TANC2: variants seen among roughly 807,000 people sequenced by gnomAD.
TANC2 encodes the protein tetratricopeptide repeat, ankyrin repeat and coiled-coil containing 2.
A neutral mutation model predicts 210.5 loss-of-function variants in TANC2; 26 were observed. That is an observed-to-expected ratio of 0.12 (90% CI 0.09 to 0.17). The LOEUF is 0.17. Ranked by LOEUF, TANC2 falls within the 10% of genes least tolerant of loss-of-function variation. The pLI is 1.00. For synonymous variants in TANC2, 931 were observed against 967.1 expected (o/e 0.96, Z 0.69); for missense variants, 2,129 against 2,608.9 (o/e 0.82, Z 4.01).
intron 1 of TANC2, among the ~76,000 whole-genome samples, chr17:62,983,314 G>T (rs548506542): frequency 4.8e-4 from 73 of 151,890 alleles, no homozygotes; most frequent in African/African-American, 1.7e-3. Context: ...TATTGAATTC[G>T]TTGATCAATT....
At chr17:63,245,829 C>CG (rs1171180189) in intron 8 of TANC2, among the ~76,000 whole-genome samples, 3 of 133,916 alleles carry the variant, frequency 2.2e-5, no homozygotes, top group African/African-American at 8.6e-5. Context: ...GGCAACAAGG[C>CG]GGGACTCCTT....
At chr17:63,337,807 T>C (rs2046086532) in intron 11 of TANC2, among the ~76,000 whole-genome samples, 1 of 152,142 alleles carries the variant, frequency 6.6e-6, no homozygotes, top group African/African-American at 2.4e-5. Flanking sequence ...AGTTGTTGTT[T>C]CCCTCTACAT....
At chr17:63,148,977 T>G (rs1237601909) in intron 4 of TANC2, 1 of 152,130 alleles carries the variant, frequency 6.6e-6, no homozygotes, top group African/African-American at 2.4e-5. Flanking sequence ...TCATCTACCT[T>G]ATAAAACAGT....
rs762562307 is a variant in TANC2 at position 63,406,256 on chromosome 17, G to A, written c.3568G>A (p.Val1190Met). Residue 1190 changes from valine (V) to methionine (M), a missense_variant, in exon 21 of 28, where the codon GTG (valine) becomes ATG (methionine). Transcript: ENST00000689528. ...TGCTTCCGAAGGCCATCTAGGAACCGTGGACTTTCTGCTTGCACAAGGTTA... is the reference window on the plus strand; with the variant it reads ...TGCTTCCGAAGGCCATCTAGGAACCATGGACTTTCTGCTTGCACAAGGTTA... 2.5e-6 allele frequency: 4 copies of A among 1,613,766 alleles called. No individual in the cohort carries two copies. In the South Asian group the frequency reaches 4.4e-5, roughly 18 times the overall value.
chr17:63,206,880 G>T (rs139166432), intron 7 of TANC2, among the ~76,000 whole-genome samples: 2 of 152,070 alleles, frequency 1.3e-5, no homozygotes. Flanking sequence ...ATTTTATGTC[G>T]TGTATATTTT....
chr17:63,275,860 A>T (rs918459517), intron 9 of TANC2, among the ~76,000 whole-genome samples: 1 of 152,184 alleles, frequency 6.6e-6, no homozygotes, highest in African/African-American at 2.4e-5. Context: ...TCATCATGAC[A>T]TCTAACTCTG....
chr17:62,976,626 C>T (rs755240893), intron 1 of TANC2, among the ~76,000 whole-genome samples: 20 of 152,040 alleles, frequency 1.3e-4, no homozygotes, highest in Non-Finnish European at 1.9e-4. Context: ...CTTTCCTCCC[C>T]GTCTAATTAG....
At chr17:63,270,051 C>T (rs1226861290) in intron 9 of TANC2, among the ~76,000 whole-genome samples, 1 of 152,026 alleles carries the variant, frequency 6.6e-6, no homozygotes, top group African/African-American at 2.4e-5. Flanking sequence ...CAAGAGCTTT[C>T]CTTTTAGCAG....
intron 4 of TANC2, among the ~76,000 whole-genome samples, chr17:63,114,176 T>G (rs1365024364): frequency 6.6e-6 from 1 of 152,156 alleles, no homozygotes; most frequent in Non-Finnish European, 1.5e-5. Flanking sequence ...CAATTATCAT[T>G]TAGAGGTAGC....
At chr17:63,049,699 A>G (rs559977777) in intron 2 of TANC2, among the ~76,000 whole-genome samples, 2 of 152,318 alleles carry the variant, frequency 1.3e-5, no homozygotes, top group Non-Finnish European at 2.9e-5. Flanking sequence ...GAAGAGTTTA[A>G]TGATCTATTT....
intron 1 of TANC2, among the ~76,000 whole-genome samples, chr17:62,973,086 TGGC>T (rs1306651707): frequency 6.6e-6 from 1 of 151,846 alleles, no homozygotes; most frequent in Non-Finnish European, 1.5e-5. Context: ...TAGAGTGTAA[TGGC>T]GGCCATCTTG....
intron 2 of TANC2, among the ~76,000 whole-genome samples, chr17:63,018,480 CAA>C (rs1294287768): frequency 1.1e-5 from 1 of 89,188 alleles, no homozygotes. Context: ...GACTCTGTCT[CAA>C]AAAAAAAAAA....
chr17:63,413,694 G>C, intron 25 of TANC2, 60 bp downstream of exon 25: 1 of 1,432,192 alleles, frequency 7.0e-7, no homozygotes, highest in Non-Finnish European at 9.6e-7. Flanking sequence ...TCCATGTGTA[G>C]AATCTTACAA....
intron 8 of TANC2, among the ~76,000 whole-genome samples, chr17:63,250,936 A>G (rs1459677096): frequency 1.3e-5 from 2 of 152,192 alleles, no homozygotes. Flanking sequence ...AGCTAAGCAT[A>G]TTATTTTAGT....
intron 2 of TANC2, among the ~76,000 whole-genome samples, chr17:63,012,185 T>G (rs907893730): frequency 6.6e-6 from 1 of 151,716 alleles, no homozygotes; most frequent in Non-Finnish European, 1.5e-5. Flanking sequence ...CCTAGCTAAT[T>G]TTTTTTTAAA....
rs1345945576 is a variant in TANC2 at position 63,421,804 on chromosome 17, C to T, written c.6074C>T (p.Ala2025Val). 6.2e-7 allele frequency: 1 copy of T among 1,613,926 alleles called. No homozygotes were observed. The highest frequency in any genetic ancestry group is 2.2e-5 in the East Asian group (1 of 44,896). Reference sequence around the variant, plus strand: ...GACCTCTTGGAGCGAGTCAGCCAGGCCTCCTCCTATCCCGACGTGAAGGTA... The same window carrying T: ...GACCTCTTGGAGCGAGTCAGCCAGGTCTCCTCCTATCCCGACGTGAAGGTA... Residue 2025 changes from alanine (A) to valine (V), a missense_variant, in exon 28 of 28, where the codon GCC (alanine) becomes GTC (valine). By Grantham distance (64) the Ala-to-Val change is moderately conservative (BLOSUM62 0). This residue lies in a region of TANC2 where 161 missense variants were observed against 178.6 expected (regional missense o/e 0.90). Coordinates refer to ENST00000689528, the Ensembl canonical transcript of TANC2. This position sits in a 1 kb window ranked among gnomAD's most constrained non-coding sequence, Gnocchi z 6.9.
chr17:63,071,263 G>T (rs2036386793), intron 2 of TANC2, among the ~76,000 whole-genome samples: 1 of 152,048 alleles, frequency 6.6e-6, no homozygotes, highest in South Asian at 2.1e-4. Flanking sequence ...AGAATGTCAG[G>T]TGCCAAATTT....
chr17:63,344,319 T>G (rs1479650710), intron 12 of TANC2, among the ~76,000 whole-genome samples: 1 of 152,102 alleles, frequency 6.6e-6, no homozygotes, highest in Non-Finnish European at 1.5e-5. Context: ...CACCAATTAG[T>G]GATAAAAACT....
At chr17:63,134,729 T>C (rs754433230) in intron 4 of TANC2, among the ~76,000 whole-genome samples, 6 of 152,234 alleles carry the variant, frequency 3.9e-5, no homozygotes, top group Non-Finnish European at 8.8e-5. Flanking sequence ...GGTTGAAGAC[T>C]ACATGATAGG....
Sources: allele counts gnomAD v4.1 joint callset (sites outside exome capture counted in the v4.1 genomes callset), GRCh38; gene constraint gnomAD v4.1.1; regional missense constraint gnomAD v4.1.1; non-coding constraint Gnocchi (gnomAD v3.1); transcripts MANE v1.5; gene names NCBI Gene and HGNC (gene_info 2026-07-23, HGNC 2026-07-21).